The following UBE2W variants were observed in gnomAD, a reference collection of about 807,000 sequenced individuals.
The protein encoded by UBE2W is ubiquitin-conjugating enzyme E2 W.
Under a neutral mutation model 27.2 loss-of-function variants are expected in UBE2W, and 18 were observed. The observed-to-expected ratio is 0.66, with a 90% CI of 0.46 to 0.98. The LOEUF is 0.98. Among genes scored for constraint, UBE2W ranks in the 50% least tolerant of loss-of-function variants. The probability of loss-of-function intolerance (pLI) is 0.00; values close to 1 mark genes in which losing one functional copy is unlikely to be tolerated. For missense variants in UBE2W, 90 were observed against 180.2 expected (o/e 0.50, Z 2.87); for synonymous variants, 53 against 57.2 (o/e 0.93, Z 0.33).
At chr8:73,845,209 G>T (rs940310781) in intron 1 of UBE2W, among the ~76,000 whole-genome samples, 1 of 152,246 alleles carries the variant, frequency 6.6e-6, no homozygotes, top group African/African-American at 2.4e-5. Flanking sequence ...TGTCTGGGAG[G>T]TGTACCCAAC....
At chr8:73,836,089 G>C (rs150530008) in intron 1 of UBE2W, among the ~76,000 whole-genome samples, 1 of 152,104 alleles carries the variant, frequency 6.6e-6, no homozygotes, top group Non-Finnish European at 1.5e-5. Flanking sequence ...GGTTTGTTAC[G>C]CACTGATAGA....
intron 1 of UBE2W, among the ~76,000 whole-genome samples, chr8:73,859,297 G>A (rs1297822807): frequency 3.9e-5 from 6 of 152,250 alleles, no homozygotes; most frequent in South Asian, 2.1e-4. Context: ...CTTGAAGCCC[G>A]GAGTTTGAGA....
At position 73,844,174 on chromosome 8, in the gene UBE2W, C is replaced by CTT. The variant is rs1563612623; in HGVS notation, c.16-13703_16-13702insAA. On this transcript the variant is annotated intron_variant, in intron 1 of 5. Coordinates refer to ENST00000602593, the MANE Select transcript of UBE2W (RefSeq NM_018299.6). ...AGCTAATTCCCCTCCCCCTCCCCCT[C>CTT]TGCACGGACTCCCTCTGATGCCAAG... Among the ~76,000 whole-genome samples the CTT allele has an allele frequency of 2.1e-3, 295 of 137,896 alleles. 2 individuals carry two copies. The highest frequency in any genetic ancestry group is 2.8e-3 in the Non-Finnish European group (185 of 65,376). The allele number at this position is 137,896 out of a possible 152,430, so 90.5% of individuals were successfully genotyped here. A position where few individuals can be genotyped will look rare whatever the true frequency, so the allele number is the denominator to read the frequency against.
In UBE2W at chr8:73,787,458, A is replaced by G. The variant is rs2130830443; in HGVS notation, c.*6644T>C. On this transcript the variant is annotated 3_prime_UTR_variant, in exon 6 of 6. Transcript: ENST00000602593. ...AAAGGGCATCATCAAAGTACAAAAGATGGTTCATATATTTATCTAACCATC... is the reference window on the plus strand; with the variant it reads ...AAAGGGCATCATCAAAGTACAAAAGGTGGTTCATATATTTATCTAACCATC... 1.0e-6 allele frequency: 1 copy of G among 985,428 alleles called. No individual in the cohort carries two copies. Among genetic ancestry groups the G allele is most frequent in the Non-Finnish European group, 1.2e-6 (1 of 829,920 alleles). The allele number at this position is 985,428 out of a possible 1,614,324, so 61.0% of individuals were successfully genotyped here. A position where few individuals can be genotyped will look rare whatever the true frequency, so the allele number is the denominator to read the frequency against.
Position 73,786,997 on chromosome 8 carries a change from A to AT in UBE2W, c.*7104dup. On this transcript the variant is annotated 3_prime_UTR_variant, in exon 6 of 6. Coordinates refer to ENST00000602593, the MANE Select transcript of UBE2W (RefSeq NM_018299.6). The stretch of plus-strand genomic sequence containing the variant: ...TGTCTAATGACATATATTCACCCAC[A>AT]TTAAGTCCCTGAAGGCCAGATACAG... 1 of 985,460 alleles carries AT rather than the reference A, an allele frequency of 1.0e-6. No individual in the cohort carries two copies. The highest frequency in any genetic ancestry group is 1.7e-5 in the African/African-American group (1 of 57,376). 61.0% of individuals were successfully genotyped at this position (985,460 alleles called of 1,614,324 possible).
intron 1 of UBE2W, among the ~76,000 whole-genome samples, chr8:73,834,911 T>A (rs1437216959): frequency 6.6e-6 from 1 of 151,900 alleles, no homozygotes; most frequent in Non-Finnish European, 1.5e-5. Context: ...TCCATCTCAA[T>A]AAAATAAAAT....
At chr8:73,824,392 C>T in intron 3 of UBE2W, among the ~76,000 whole-genome samples, 1 of 152,208 alleles carries the variant, frequency 6.6e-6, no homozygotes, top group Non-Finnish European at 1.5e-5. Context: ...GTACTCTGCC[C>T]TTCCTGTACT....
chr8:73,815,762 C>T (rs568193222), intron 3 of UBE2W, among the ~76,000 whole-genome samples: 155 of 152,156 alleles, frequency 1.0e-3, no homozygotes, highest in African/African-American at 3.3e-3. Flanking sequence ...TGTATATAAA[C>T]GAGCAGTAAA....
Position 73,791,596 on chromosome 8 carries a change from C to T in UBE2W, c.*2506G>A. 3 of 985,122 alleles carry T rather than the reference C, an allele frequency of 3.0e-6. No individual in the cohort carries two copies. The highest frequency in any genetic ancestry group is 2.4e-6 in the Non-Finnish European group (2 of 829,730). 61.0% of individuals were successfully genotyped at this position (985,122 alleles called of 1,614,324 possible). A position where few individuals can be genotyped will look rare whatever the true frequency, so the allele number is the denominator to read the frequency against. On this transcript the variant is annotated 3_prime_UTR_variant, in exon 6 of 6. Transcript: ENST00000602593. ...TTATTATTACAAGCCATTAATTGCT[C>T]TCTGTAGAGCAATGACTCAGATAAA...
At chr8:73,801,771 G>T (rs1808656012) in intron 5 of UBE2W, among the ~76,000 whole-genome samples, 4 of 152,154 alleles carry the variant, frequency 2.6e-5, no homozygotes, top group Non-Finnish European at 5.9e-5. Context: ...AAAGAATTAG[G>T]CCTGTTAATT....
At chr8:73,834,997 T>A (rs1246618321) in intron 1 of UBE2W, among the ~76,000 whole-genome samples, 2 of 152,168 alleles carry the variant, frequency 1.3e-5, no homozygotes, top group Non-Finnish European at 2.9e-5. Flanking sequence ...GTCTCAAGCC[T>A]TGTTTCAAGG....
intron 1 of UBE2W, among the ~76,000 whole-genome samples, chr8:73,851,395 G>A (rs185437652): frequency 1.3e-5 from 2 of 152,134 alleles, no homozygotes; most frequent in East Asian, 1.9e-4. Flanking sequence ...AGCTAGATGC[G>A]GAGTACAGAA....
intron 3 of UBE2W, among the ~76,000 whole-genome samples, chr8:73,814,576 T>C (rs998213232): frequency 1.3e-5 from 2 of 152,326 alleles, no homozygotes; most frequent in South Asian, 2.1e-4. Context: ...TGGAGTGCAA[T>C]GGCCCGATCT....
chr8:73,782,250 TGTG>T (rs1026704203), downstream of UBE2W, among the ~76,000 whole-genome samples: 7 of 151,900 alleles, frequency 4.6e-5, no homozygotes, highest in African/African-American at 1.7e-4. Flanking sequence ...CCTGGCCAAT[TGTG>T]TTTTTTTTTT....
intron 1 of UBE2W, among the ~76,000 whole-genome samples, chr8:73,833,109 C>T (rs1028719071): frequency 6.3e-5 from 9 of 142,936 alleles, no homozygotes; most frequent in East Asian, 2.1e-4. Context: ...CGCTTGAACC[C>T]GGGAGGCAGA....
At chr8:73,842,478 G>A (rs1353469085) in intron 1 of UBE2W, among the ~76,000 whole-genome samples, 3 of 132,256 alleles carry the variant, frequency 2.3e-5, no homozygotes, top group African/African-American at 8.7e-5. Flanking sequence ...GCAGTGAGCC[G>A]AGATGGTGCC....
chr8:73,828,261 C>T (rs779419671), intron 2 of UBE2W, among the ~76,000 whole-genome samples: 6 of 152,210 alleles, frequency 3.9e-5, no homozygotes, highest in South Asian at 2.1e-4. Flanking sequence ...ACCATCTATT[C>T]CACTCTGGAG....
At position 73,787,239 on chromosome 8, in the gene UBE2W, C is replaced by A; in HGVS notation, c.*6863G>T. The A allele has an allele frequency of 1.0e-6, 1 of 985,396 alleles. No homozygotes were observed. The highest frequency in any genetic ancestry group is 1.2e-6 in the Non-Finnish European group (1 of 829,924). The allele number at this position is 985,396 out of a possible 1,614,324, so 61.0% of individuals were successfully genotyped here. The stretch of plus-strand genomic sequence containing the variant: ...CTTTGAGCTTTGTTGTCCAAGTACA[C>A]AAAACTCTTAGCTGTCTCACTTGCT... On this transcript the variant is annotated 3_prime_UTR_variant, in exon 6 of 6. Transcript: ENST00000602593.
At chr8:73,856,872 A>AT (rs1252389896) in intron 1 of UBE2W, among the ~76,000 whole-genome samples, 1 of 151,832 alleles carries the variant, frequency 6.6e-6, no homozygotes, top group Non-Finnish European at 1.5e-5. Flanking sequence ...CACCTGGCTA[A>AT]TTTTTTGTAT....
Sources: allele counts gnomAD v4.1 joint callset (sites outside exome capture counted in the v4.1 genomes callset), GRCh38; gene constraint gnomAD v4.1.1; transcripts MANE v1.5; gene names NCBI Gene and HGNC (gene_info 2026-07-23, HGNC 2026-07-21).